The following MALT1 variants were observed in gnomAD, a reference collection of about 807,000 sequenced individuals.
MALT1 encodes MALT1 paracaspase, also known as mucosa-associated lymphoid tissue lymphoma translocation protein 1.
In MALT1, 36 loss-of-function variants were observed where a neutral mutation model predicts 85.5. The observed-to-expected ratio is 0.42, with a 90% CI of 0.32 to 0.56. The LOEUF (loss-of-function observed/expected upper bound fraction) is 0.56. Ranked by LOEUF, MALT1 falls within the 20% of genes least tolerant of loss-of-function variation. The pLI is 0.10. For synonymous variants in MALT1, 359 were observed against 361.3 expected (o/e 0.99, Z 0.07); for missense variants, 716 against 981.6 (o/e 0.73, Z 3.62).
chr18:58,679,918 C>A (rs923284619), intron 1 of MALT1, among the ~76,000 whole-genome samples: 1 of 152,030 alleles, frequency 6.6e-6, no homozygotes, highest in African/African-American at 2.4e-5. Flanking sequence ...TCAAAAGAGC[C>A]AGGAGTGGTG....
intron 2 of MALT1, among the ~76,000 whole-genome samples, chr18:58,686,162 G>A (rs2054399198): frequency 6.6e-6 from 1 of 152,124 alleles, no homozygotes; most frequent in South Asian, 2.1e-4. Context: ...GAGTAGCTGG[G>A]ATTACAGGCA....
In MALT1 at chr18:58,675,947, C is replaced by G. The variant is rs558698146; in HGVS notation, c.209+4095C>G. The stretch of plus-strand genomic sequence containing the variant: ...CTCTTTCTTTCAGTTTCTGCACCCT[C>G]TGGTTGTTCAGTCCAAAAACTTCGA... On this transcript the variant is annotated intron_variant, in intron 1 of 16. Coordinates refer to ENST00000649217, the MANE Select transcript of MALT1 (RefSeq NM_006785.4). 3.3e-5 allele frequency among the ~76,000 whole-genome samples: 5 copies of G among 152,338 alleles called. No individual in the cohort carries two copies. The South Asian group carries it at 1.0e-3, about 32-fold the overall frequency.
At position 58,752,812 on chromosome 18, in the gene MALT1, T is replaced by A. The variant is rs1361989107; in HGVS notation, c.*4970T>A. The A allele has an allele frequency of 6.6e-6, 1 of 152,014 alleles. No homozygotes were observed. The highest frequency in any genetic ancestry group is 1.5e-5 in the Non-Finnish European group (1 of 67,996). The allele number at this position is 152,014 out of a possible 1,614,324, so 9.4% of individuals were successfully genotyped here. On this transcript the variant is annotated 3_prime_UTR_variant, in exon 17 of 17. Coordinates refer to ENST00000649217, the MANE Select transcript of MALT1 (RefSeq NM_006785.4). ...AAGACGCTGTCTCAAAAATAAAATATTAGTAAAGAAGAGTACAATCAGAAT... is the reference window on the plus strand; with the variant it reads ...AAGACGCTGTCTCAAAAATAAAATAATAGTAAAGAAGAGTACAATCAGAAT...
At chr18:58,740,261 A>G (rs889987160) in intron 13 of MALT1, among the ~76,000 whole-genome samples, 1 of 152,032 alleles carries the variant, frequency 6.6e-6, no homozygotes, top group Non-Finnish European at 1.5e-5. Context: ...CAATTGTGCT[A>G]TTTCATTTTG....
At chr18:58,705,136 A>G (rs1323301972) in intron 4 of MALT1, among the ~76,000 whole-genome samples, 2 of 152,170 alleles carry the variant, frequency 1.3e-5, no homozygotes, top group Non-Finnish European at 2.9e-5. Context: ...TAGAGATTAC[A>G]GTATGCCTCT....
At chr18:58,721,972 C>G (rs1372421140) in intron 9 of MALT1, among the ~76,000 whole-genome samples, 1 of 152,198 alleles carries the variant, frequency 6.6e-6, no homozygotes, top group African/African-American at 2.4e-5. Context: ...CACCCTGTCT[C>G]TCTGCTCCCT....
chr18:58,676,554 A>G (rs1274833599), intron 1 of MALT1, among the ~76,000 whole-genome samples: 8 of 152,238 alleles, frequency 5.3e-5, no homozygotes, highest in Non-Finnish European at 1.0e-4. Flanking sequence ...TGGTCTCCAC[A>G]GGTAACCACA....
intron 10 of MALT1, among the ~76,000 whole-genome samples, chr18:58,727,450 C>T (rs1002737085): frequency 3.3e-5 from 5 of 152,108 alleles, no homozygotes; most frequent in African/African-American, 1.2e-4. Flanking sequence ...ATTACAGGCA[C>T]ATGCCACCAA....
intron 4 of MALT1, among the ~76,000 whole-genome samples, chr18:58,702,983 TAA>T (rs1347895283): frequency 6.6e-6 from 1 of 152,188 alleles, no homozygotes; most frequent in Non-Finnish European, 1.5e-5. Context: ...CACTTTTTGT[TAA>T]AAGAGTTAAA....
At chr18:58,679,235 T>G (rs963350921) in intron 1 of MALT1, among the ~76,000 whole-genome samples, 1 of 152,242 alleles carries the variant, frequency 6.6e-6, no homozygotes, top group African/African-American at 2.4e-5. Flanking sequence ...AAAAGGAAAT[T>G]GTATATGTAT....
chr18:58,679,823 ACGGGTGTGAGCCAC>A (rs2054294389), intron 1 of MALT1, among the ~76,000 whole-genome samples: 1 of 152,152 alleles, frequency 6.6e-6, no homozygotes, highest in Non-Finnish European at 1.5e-5. Flanking sequence ...TGCTGGGATT[ACGGGTGTGAGCCAC>A]CGTGCCCAGC....
intron 9 of MALT1, among the ~76,000 whole-genome samples, chr18:58,717,924 G>A (rs940969338): frequency 6.6e-6 from 1 of 152,144 alleles, no homozygotes; most frequent in Admixed American, 6.5e-5. Context: ...GTAGAGAGGA[G>A]CATACATATG....
intron 13 of MALT1, among the ~76,000 whole-genome samples, chr18:58,739,411 G>A (rs950253537): frequency 1.3e-5 from 2 of 152,216 alleles, no homozygotes; most frequent in Non-Finnish European, 2.9e-5. Flanking sequence ...CTTGTGGAAT[G>A]AGATGGAGGA....
At chr18:58,738,197 A>G (rs1300762753) in intron 13 of MALT1, among the ~76,000 whole-genome samples, 2 of 152,158 alleles carry the variant, frequency 1.3e-5, no homozygotes, top group Non-Finnish European at 2.9e-5. Context: ...ATATACCCAA[A>G]AAAGTATGCG....
chr18:58,681,440 T>C, intron 2 of MALT1, 104 bp downstream of exon 2: 1 of 1,038,894 alleles, frequency 9.6e-7, no homozygotes, highest in East Asian at 2.8e-5. Context: ...TTTTGGAAAA[T>C]GTAAATGTGT....
intron 1 of MALT1, among the ~76,000 whole-genome samples, chr18:58,674,294 A>T (rs1313062020): frequency 6.6e-6 from 1 of 152,192 alleles, no homozygotes; most frequent in East Asian, 1.9e-4. Context: ...GTTTGGGGGA[A>T]CTAAAGGAAA....
intron 2 of MALT1, among the ~76,000 whole-genome samples, chr18:58,681,730 A>G (rs892572139): frequency 2.6e-5 from 4 of 152,192 alleles, no homozygotes; most frequent in Middle Eastern, 3.2e-3. Flanking sequence ...ATTTATTCCT[A>G]TGTATTTATA....
intron 1 of MALT1, chr18:58,677,535 A>G (rs1281223436): frequency 6.6e-6 from 1 of 152,220 alleles, no homozygotes; most frequent in East Asian, 1.9e-4. Context: ...TATTTCAGAA[A>G]CTAGTAAAAT....
intron 13 of MALT1, among the ~76,000 whole-genome samples, chr18:58,737,327 A>T (rs1016314338): frequency 2.2e-4 from 34 of 152,200 alleles, no homozygotes; most frequent in African/African-American, 7.7e-4. Context: ...ATAAAAATTT[A>T]AAAAATTAGC....
Sources: allele counts gnomAD v4.1 joint callset (sites outside exome capture counted in the v4.1 genomes callset), GRCh38; gene constraint gnomAD v4.1.1; transcripts MANE v1.5; gene names NCBI Gene and HGNC (gene_info 2026-07-23, HGNC 2026-07-21).